Variants in SLC1A1 observed in about 807,000 individuals in gnomAD.
The protein encoded by SLC1A1 is solute carrier family 1 member 1, also known as excitatory amino acid transporter 3.
SLC1A1 carries 43 observed loss-of-function variants against 53.3 expected under a neutral mutation model. The ratio of observed to expected loss-of-function variants is 0.81; its 90% CI spans 0.63 to 1.04. The LOEUF (loss-of-function observed/expected upper bound fraction) is 1.04, where lower values mean the gene tolerates loss of function less well. Among genes scored for constraint, SLC1A1 ranks in the 50% least tolerant of loss-of-function variants. The probability of loss-of-function intolerance (pLI) is 0.00; values close to 1 mark genes in which losing one functional copy is unlikely to be tolerated. For missense variants in SLC1A1, 748 were observed against 664.9 expected, an observed-to-expected ratio of 1.12 and a Z score of -1.37; for synonymous variants, 307 against 243.2, an observed-to-expected ratio of 1.26 and a Z score of -2.44.
intron 7 of SLC1A1, 86 bp from the exon 8 acceptor site, chr9:4,573,821 C>A: frequency 1.1e-6 from 1 of 899,064 alleles, no homozygotes; most frequent in South Asian, 1.3e-5. Flanking sequence ...CTGAGGGTGC[C>A]CACACTGGAG....
At position 4,515,690 on chromosome 9, in the gene SLC1A1, G is replaced by C. The variant is rs138804621; in HGVS notation, c.91+24920G>C. Among the ~76,000 whole-genome samples, 330 of 152,314 alleles carry C rather than the reference G, an allele frequency of 2.2e-3. 1 individual carries two copies. The highest frequency in any genetic ancestry group is 7.5e-3 in the African/African-American group (313 of 41,572). On this transcript the variant is annotated intron_variant, in intron 1 of 11. Coordinates refer to ENST00000262352, the MANE Select transcript of SLC1A1 (RefSeq NM_004170.6). Reference sequence around the variant, plus strand: ...GACATCCAACTGGTTTTCACTCCTAGAGTACTGCAGTCTGAGACTTCTCTG... The same window carrying C: ...GACATCCAACTGGTTTTCACTCCTACAGTACTGCAGTCTGAGACTTCTCTG...
intron 1 of SLC1A1, among the ~76,000 whole-genome samples, chr9:4,518,178 T>G (rs963689694): frequency 8.1e-6 from 1 of 123,432 alleles, no homozygotes; most frequent in East Asian, 2.4e-4. Context: ...GAGGTTGCAG[T>G]GAGCCGAGAT....
chr9:4,531,627 G>C (rs1193074709), intron 1 of SLC1A1, among the ~76,000 whole-genome samples: 1 of 152,186 alleles, frequency 6.6e-6, no homozygotes, highest in African/African-American at 2.4e-5. Flanking sequence ...TCCACCTCTA[G>C]GGGCAGGGCA....
intron 1 of SLC1A1, among the ~76,000 whole-genome samples, chr9:4,531,809 T>C (rs200371012): frequency 6.6e-6 from 1 of 151,854 alleles, no homozygotes; most frequent in Non-Finnish European, 1.5e-5. Context: ...CACCCCCCAG[T>C]AGGGGCAGAC....
intron 1 of SLC1A1, among the ~76,000 whole-genome samples, chr9:4,528,616 A>G (rs913366948): frequency 6.6e-6 from 1 of 152,146 alleles, no homozygotes; most frequent in Non-Finnish European, 1.5e-5. Flanking sequence ...AGATTTTCTT[A>G]TAGTTTGAGA....
chr9:4,490,822 C>T (rs765698225), intron 1 of SLC1A1, 52 bp downstream of exon 1: 8 of 1,484,872 alleles, frequency 5.4e-6, no homozygotes, highest in Non-Finnish European at 1.9e-6. Context: ...GCTCTCTGCG[C>T]CCAGGCCGCG....
At chr9:4,502,309 C>G (rs1002401532) in intron 1 of SLC1A1, among the ~76,000 whole-genome samples, 2 of 136,464 alleles carry the variant, frequency 1.5e-5, no homozygotes, top group Non-Finnish European at 3.0e-5. Flanking sequence ...ATCACTTGAG[C>G]CCGGGAGGTT....
At chr9:4,492,341 G>A (rs908310396) in intron 1 of SLC1A1, among the ~76,000 whole-genome samples, 17 of 152,114 alleles carry the variant, frequency 1.1e-4, no homozygotes, top group Non-Finnish European at 1.9e-4. Flanking sequence ...AGATGCCAGG[G>A]CAAGGTGGCT....
intron 1 of SLC1A1, among the ~76,000 whole-genome samples, chr9:4,521,233 A>C (rs1034513843): frequency 2.6e-5 from 4 of 152,234 alleles, no homozygotes; most frequent in Non-Finnish European, 5.9e-5. Context: ...ATTTTTCAAA[A>C]AAATTTTTAA....
chr9:4,492,871 G>A (rs960559321), intron 1 of SLC1A1, among the ~76,000 whole-genome samples: 1 of 152,154 alleles, frequency 6.6e-6, no homozygotes, highest in Non-Finnish European at 1.5e-5. Flanking sequence ...TGGAAGTGGA[G>A]TTATCCTGCC....
At chr9:4,555,510 G>A (rs916722148) in intron 2 of SLC1A1, among the ~76,000 whole-genome samples, 2 of 152,176 alleles carry the variant, frequency 1.3e-5, no homozygotes, top group Non-Finnish European at 2.9e-5. Context: ...TACTGCTTTG[G>A]CTGGGAGCCA....
chr9:4,538,697 T>C (rs1210176882), intron 1 of SLC1A1, among the ~76,000 whole-genome samples: 1 of 152,240 alleles, frequency 6.6e-6, no homozygotes, highest in African/African-American at 2.4e-5. Context: ...ATAAAAGCTT[T>C]ATGGACTCCA....
intron 5 of SLC1A1, 51 bp from the exon 6 acceptor site, chr9:4,567,618 A>T (rs748335231): frequency 1.2e-5 from 15 of 1,234,116 alleles, no homozygotes; most frequent in Middle Eastern, 3.8e-4. Context: ...TCAAAAGCTT[A>T]AAAAAAATTC....
intron 1 of SLC1A1, among the ~76,000 whole-genome samples, chr9:4,527,697 C>A (rs1282624046): frequency 6.6e-6 from 1 of 152,076 alleles, no homozygotes; most frequent in Admixed American, 6.6e-5. Context: ...CTATCCAATG[C>A]TAATGTCTAT....
Position 4,549,182 on chromosome 9 carries a change from C to T in SLC1A1, c.232+4475C>T, listed in dbSNP as rs986088110. Among the ~76,000 whole-genome samples, 9 of 152,156 alleles carry T rather than the reference C, an allele frequency of 5.9e-5. No homozygotes were observed. The highest frequency in any genetic ancestry group is 7.4e-5 in the Non-Finnish European group (5 of 68,024). On this transcript the variant is annotated intron_variant, in intron 2 of 11. Transcript: ENST00000262352. This position sits in a 1 kb window ranked among gnomAD's most constrained non-coding sequence, Gnocchi z 4.1. ...CCAGAGGTCCCCTGAGCATCCTTCC[C>T]GGATGCTCATAACTTTGCTCAGGAA...
intron 2 of SLC1A1, among the ~76,000 whole-genome samples, chr9:4,552,405 G>GAAAATAGCATCTTTGTCCTCCC (rs1818009287): frequency 6.6e-6 from 1 of 152,152 alleles, no homozygotes; most frequent in Non-Finnish European, 1.5e-5. Flanking sequence ...CCAGGCAAGA[G>GAAAATAGCATCTTTGTCCTCCC]AAAATAGCAT....
chr9:4,580,355 C>A (rs540360005), intron 10 of SLC1A1, among the ~76,000 whole-genome samples: 1 of 152,026 alleles, frequency 6.6e-6, no homozygotes, highest in Non-Finnish European at 1.5e-5. Context: ...CCAAGGCGGG[C>A]GGATCACTTT....
intron 1 of SLC1A1, among the ~76,000 whole-genome samples, chr9:4,525,103 G>A (rs1218624708): frequency 6.6e-6 from 1 of 152,120 alleles, no homozygotes; most frequent in African/African-American, 2.4e-5. Flanking sequence ...TATGATCTTG[G>A]CCCACGTGAG....
chr9:4,547,973 A>G (rs1371904856), intron 2 of SLC1A1, among the ~76,000 whole-genome samples: 2 of 152,356 alleles, frequency 1.3e-5, no homozygotes, highest in East Asian at 1.9e-4. Flanking sequence ...TAAAATGTAT[A>G]TACATTTTTA....
Sources: allele counts gnomAD v4.1 joint callset (sites outside exome capture counted in the v4.1 genomes callset), GRCh38; gene constraint gnomAD v4.1.1; non-coding constraint Gnocchi (gnomAD v3.1); transcripts MANE v1.5; gene names NCBI Gene and HGNC (gene_info 2026-07-23, HGNC 2026-07-21).